Variants in WWOX observed in about 807,000 individuals in gnomAD.
WWOX encodes the protein WW domain containing oxidoreductase, also known as WW domain-containing oxidoreductase.
In WWOX, 69 loss-of-function variants were observed where a neutral mutation model predicts 46.2. The ratio of observed to expected loss-of-function variants is 1.49; its 90% CI spans 1.23 to 1.82. The LOEUF is 1.82. Among genes scored for constraint, WWOX ranks in the 40% most tolerant of loss-of-function variants. The pLI is 0.00. For synonymous variants in WWOX, 359 were observed against 202.6 expected (o/e 1.77, Z -6.56); for missense variants, 919 against 542.6 (o/e 1.69, Z -6.89).
intron 5 of WWOX, among the ~76,000 whole-genome samples, chr16:78,290,706 T>C (rs9937030): frequency 0.53 from 79,899 of 151,772 alleles, 22,013 homozygotes; most frequent in East Asian, 0.77. Context: ...TATTGATTCT[T>C]GGTGGGAAAA....
At chr16:78,875,244 C>A (rs887245219) in intron 8 of WWOX, among the ~76,000 whole-genome samples, 2 of 152,128 alleles carry the variant, frequency 1.3e-5, no homozygotes, top group Non-Finnish European at 2.9e-5. Context: ...TTCACCGCTT[C>A]TTTAGGGTTC....
intron 4 of WWOX, among the ~76,000 whole-genome samples, chr16:78,140,572 C>T (rs1021156113): frequency 6.6e-6 from 1 of 152,146 alleles, no homozygotes; most frequent in African/African-American, 2.4e-5. Context: ...TGGCCTGTGG[C>T]AGGGTAATTC....
At chr16:78,410,859 T>G (rs2082664676) in intron 6 of WWOX, among the ~76,000 whole-genome samples, 1 of 151,100 alleles carries the variant, frequency 6.6e-6, no homozygotes. Flanking sequence ...TCTCAAGTCT[T>G]GACTATGAAA....
intron 5 of WWOX, among the ~76,000 whole-genome samples, chr16:78,301,332 C>G (rs964579026): frequency 2.6e-5 from 4 of 152,046 alleles, no homozygotes; most frequent in African/African-American, 9.7e-5. Flanking sequence ...GAGTTTTTTT[C>G]AGGGATCAGG....
chr16:78,991,847 A>T (rs889739518), intron 8 of WWOX, among the ~76,000 whole-genome samples: 3 of 152,144 alleles, frequency 2.0e-5, no homozygotes, highest in Non-Finnish European at 2.9e-5. Flanking sequence ...TCACTGCTTC[A>T]GACTCCTGTC....
At chr16:78,887,543 C>A (rs2044493751) in intron 8 of WWOX, among the ~76,000 whole-genome samples, 1 of 151,062 alleles carries the variant, frequency 6.6e-6, no homozygotes, top group Admixed American at 6.6e-5. Context: ...GACACCTCAA[C>A]ACCCTTCCAA....
Position 78,511,945 on chromosome 16 carries a change from C to T in WWOX, c.1056+79193C>T, listed in dbSNP as rs567915742. ...CTACTTCTGTTTACACATTCTTCTG[C>T]GTTGAATGGGTAAGATAGCATCTCA... On this transcript the variant is annotated intron_variant, in intron 8 of 8. Transcript: ENST00000566780. Among the ~76,000 whole-genome samples the T allele has an allele frequency of 8.5e-5, 13 of 152,248 alleles. No individual in the cohort carries two copies. The East Asian group carries it at 1.4e-3, about 16-fold the overall frequency.
At chr16:78,862,765 C>A (rs547148503) in intron 8 of WWOX, among the ~76,000 whole-genome samples, 1 of 152,032 alleles carries the variant, frequency 6.6e-6, no homozygotes, top group Non-Finnish European at 1.5e-5. Flanking sequence ...TTTATTCAGG[C>A]CTTCAACAGA....
chr16:78,428,620 C>G (rs1312787127), intron 7 of WWOX, among the ~76,000 whole-genome samples: 1 of 152,182 alleles, frequency 6.6e-6, no homozygotes, highest in Non-Finnish European at 1.5e-5. Context: ...AAATGACTTT[C>G]TCCTCTTAGA....
intron 8 of WWOX, among the ~76,000 whole-genome samples, chr16:78,825,053 G>C (rs766089542): frequency 1.8e-4 from 28 of 152,258 alleles, no homozygotes; most frequent in Middle Eastern, 3.4e-3. Flanking sequence ...TACAAGGCTA[G>C]GGGAAAATGG....
chr16:78,825,580 G>T, intron 8 of WWOX: 1 of 533,954 alleles, frequency 1.9e-6, no homozygotes, highest in Non-Finnish European at 3.8e-6. Flanking sequence ...CCATTGCCCA[G>T]GTCGAGTCTG....
At chr16:78,368,828 T>G (rs1468525333) in intron 5 of WWOX, among the ~76,000 whole-genome samples, 1 of 152,198 alleles carries the variant, frequency 6.6e-6, no homozygotes, top group Non-Finnish European at 1.5e-5. Flanking sequence ...AGAGCCAGAT[T>G]CGAATGTGGC....
intron 8 of WWOX, among the ~76,000 whole-genome samples, chr16:78,540,020 T>TCTCTCTCTCTCACACA (rs369075883): frequency 7.5e-6 from 1 of 132,854 alleles, no homozygotes; most frequent in African/African-American, 3.0e-5. Context: ...TCTCTCTCTC[T>TCTCTCTCTCTCACACA]CACACACACA....
chr16:78,491,304 C>G (rs1383607764), intron 8 of WWOX, among the ~76,000 whole-genome samples: 2 of 152,162 alleles, frequency 1.3e-5, no homozygotes, highest in African/African-American at 4.8e-5. Context: ...CATCTTTTCC[C>G]CTGGATGAGA....
At chr16:78,969,336 C>G (rs1022268767) in intron 8 of WWOX, among the ~76,000 whole-genome samples, 1 of 150,884 alleles carries the variant, frequency 6.6e-6, no homozygotes, top group East Asian at 2.0e-4. Context: ...ATGGTGCTAT[C>G]TTGGCCCACT....
chr16:79,127,236 C>T (rs1412263268), intron 8 of WWOX, among the ~76,000 whole-genome samples: 1 of 152,004 alleles, frequency 6.6e-6, no homozygotes, highest in South Asian at 2.1e-4. Context: ...GTGTTAAAAT[C>T]TCCCTCTACC....
At chr16:78,705,313 G>A (rs995512936) in intron 8 of WWOX, among the ~76,000 whole-genome samples, 2 of 152,136 alleles carry the variant, frequency 1.3e-5, no homozygotes, top group East Asian at 3.9e-4. Flanking sequence ...TGTTGCTTCC[G>A]GACCTAGCTG....
In WWOX at chr16:78,319,550, A is replaced by T. The variant is rs75843042; in HGVS notation, c.517-67310A>T. On this transcript the variant is annotated intron_variant, in intron 5 of 8. Coordinates refer to ENST00000566780, the MANE Select transcript of WWOX (RefSeq NM_016373.4). ...CTGCTGAGATTACAGGACCCTGCTG[A>T]TGTCTTAATCTTAGCCCCTTCAGAT... Among the ~76,000 whole-genome samples, 928 of 152,164 alleles carry T rather than the reference A, an allele frequency of 6.1e-3. 13 individuals carry two copies. Among genetic ancestry groups the T allele is most frequent in the African/African-American group, 0.021 (889 of 41,526 alleles).
chr16:78,323,209 C>G (rs2080527677), intron 5 of WWOX, among the ~76,000 whole-genome samples: 1 of 152,102 alleles, frequency 6.6e-6, no homozygotes, highest in African/African-American at 2.4e-5. Flanking sequence ...CGGGTTCACG[C>G]CATTCTCCTG....
Sources: allele counts gnomAD v4.1 joint callset (sites outside exome capture counted in the v4.1 genomes callset), GRCh38; gene constraint gnomAD v4.1.1; transcripts MANE v1.5; gene names NCBI Gene and HGNC (gene_info 2026-07-23, HGNC 2026-07-21).